RYR1: variants seen among roughly 807,000 people sequenced by gnomAD.
RYR1 encodes the protein ryanodine receptor 1, also known as central core disease of muscle.
In RYR1, 342 loss-of-function variants were observed where a neutral mutation model predicts 583.5. The observed-to-expected ratio is 0.59, with a 90% CI of 0.54 to 0.64. The LOEUF (loss-of-function observed/expected upper bound fraction) is 0.64. Among genes scored for constraint, RYR1 ranks in the 30% least tolerant of loss-of-function variants. The pLI, the probability that RYR1 is intolerant of heterozygous loss-of-function variation, is 0.00. For missense variants in RYR1, 6,032 were observed against 6,917.2 expected (o/e 0.87, Z 4.54); for synonymous variants, 2,791 against 2,822.5 (o/e 0.99, Z 0.35).
chr19:38,475,579 A>G, intron 29 of RYR1, 129 bp downstream of exon 29: 2 of 1,137,676 alleles, frequency 1.8e-6, no homozygotes, highest in Non-Finnish European at 2.6e-6. Flanking sequence ...TATACACTAG[A>G]AACTCATAAA....
chr19:38,566,051 G>A (rs1278485429), intron 91 of RYR1, among the ~76,000 whole-genome samples: 2 of 151,854 alleles, frequency 1.3e-5, no homozygotes, highest in African/African-American at 4.8e-5. Flanking sequence ...GGGCCGGACA[G>A]AGTGCAGGGC....
At chr19:38,525,714 C>T (rs1001907316) in intron 71 of RYR1, among the ~76,000 whole-genome samples, 24 of 151,882 alleles carry the variant, frequency 1.6e-4, no homozygotes, top group Non-Finnish European at 2.9e-4. Flanking sequence ...ATTGCCAGGG[C>T]ACCACAGACC....
At position 38,512,218 on chromosome 19, in the gene RYR1, G is replaced by A; in HGVS notation, c.9234-27G>A. 3 of 1,614,120 alleles carry A rather than the reference G, an allele frequency of 1.9e-6. No individual in the cohort carries two copies. Among genetic ancestry groups the A allele is most frequent in the Middle Eastern group, 1.6e-4 (1 of 6,062 alleles). ...GTCTCCTAGACTCTCCGATTCCAGA[G>A]CTGATGTTCCCCCGCTGCCCTTCTA... On this transcript the variant is annotated intron_variant, in intron 62 of 105. Coordinates refer to ENST00000359596, the MANE Select transcript of RYR1 (RefSeq NM_000540.3). This position sits in a 1 kb window ranked among gnomAD's most constrained non-coding sequence, Gnocchi z 5.1.
intron 89 of RYR1, among the ~76,000 whole-genome samples, chr19:38,552,191 A>G (rs1031553160): frequency 3.3e-5 from 5 of 151,438 alleles, no homozygotes; most frequent in African/African-American, 1.2e-4. Context: ...GACTGAAGCA[A>G]TCAGCCCACC....
chr19:38,565,092 C>G lies in RYR1; in HGVS notation c.12758C>G (p.Pro4253Arg). The change falls in exon 91 of 106, where the codon CCC becomes CGC. Residue 4253 changes from proline (P) to arginine (R), a missense_variant. By Grantham distance (103) the Pro-to-Arg change is moderately radical. This residue lies in a region of RYR1 where 753 missense variants were observed against 759.6 expected (regional missense o/e 0.99). Transcript: ENST00000359596. This position sits in a 1 kb window ranked among gnomAD's most constrained non-coding sequence, Gnocchi z 4.7. ...CAGATCGCCGCGCAGATCTCGGAGCCCGAGGGCGAGCCGGAGACCGACGAG... is the reference window on the plus strand; with the variant it reads ...CAGATCGCCGCGCAGATCTCGGAGCGCGAGGGCGAGCCGGAGACCGACGAG... ...EMQIAAQISE[P>R]EGEPETDEDE... 1 of 1,551,852 alleles carries G rather than the reference C, an allele frequency of 6.4e-7. No homozygotes were observed. The highest frequency in any genetic ancestry group is 8.7e-7 in the Non-Finnish European group (1 of 1,151,146).
chr19:38,572,255 C>G lies in RYR1; in HGVS notation c.13983C>G (p.Gly4661=). ...TGGTGGCCTTTCTCTGCATCATTGGCTATAATTGTCTCAAGGTGGGCCCAT... is the reference window on the plus strand; with the variant it reads ...TGGTGGCCTTTCTCTGCATCATTGGGTATAATTGTCTCAAGGTGGGCCCAT... ...HTLVAFLCII[G]YNCLKVPLVI... is the part of the protein sequence containing the mutation. Residue 4661 remains glycine (G), a synonymous_variant, in exon 95 of 106, where the codon GGC becomes GGG. Coordinates refer to ENST00000359596, the MANE Select transcript of RYR1 (RefSeq NM_000540.3). 1 of 1,380,798 alleles carries G rather than the reference C, an allele frequency of 7.2e-7. No homozygotes were observed. The highest frequency in any genetic ancestry group is 9.6e-7 in the Non-Finnish European group (1 of 1,039,310). 85.5% of individuals were successfully genotyped at this position (1,380,798 alleles called of 1,614,324 possible).
intron 89 of RYR1, among the ~76,000 whole-genome samples, chr19:38,557,912 G>A (rs867831850): frequency 1.3e-5 from 2 of 151,938 alleles, no homozygotes; most frequent in Non-Finnish European, 2.9e-5. Context: ...CCCGGGAGGC[G>A]GAGGTTGCAG....
chr19:38,556,479 TA>T (rs199640435), intron 89 of RYR1, among the ~76,000 whole-genome samples: 10,887 of 141,106 alleles, frequency 0.077, 428 homozygotes, highest in South Asian at 0.17. Context: ...AAGACTCTGT[TA>T]AAAAAAAAAA....
Position 38,510,759 on chromosome 19 carries a change from A to G in RYR1, c.9100A>G (p.Lys3034Glu). 1.2e-6 allele frequency: 2 copies of G among 1,614,136 alleles called. No individual in the cohort carries two copies. Among genetic ancestry groups the G allele is most frequent in the Non-Finnish European group, 1.7e-6 (2 of 1,180,022 alleles). The change falls in exon 60 of 106, where the codon AAG becomes GAG. Residue 3034 changes from lysine (K) to glutamate (E), a missense_variant. Lys to Glu is a moderately conservative substitution (Grantham distance 56). Coordinates refer to ENST00000359596, the MANE Select transcript of RYR1 (RefSeq NM_000540.3). ...VLGSGGHASN[K>E]EKEMITSLFC... The stretch of plus-strand genomic sequence containing the variant: ...GGGCAGCGGTGGCCACGCCTCTAAC[A>G]AGGAGAAGGAAATGATCACCAGGTG...
rs1600913442 is a variant in RYR1, at chr19:38,523,536, C to T, written c.10440+227C>T. ...CCCTCCTCCTCTCCATCTCCCTCTTCTCTCATCTCTGTCTCCTTCCTCCTC... is the reference window on the plus strand; with the variant it reads ...CCCTCCTCCTCTCCATCTCCCTCTTTTCTCATCTCTGTCTCCTTCCTCCTC... On this transcript the variant is annotated intron_variant, in intron 69 of 105. Coordinates refer to ENST00000359596, the MANE Select transcript of RYR1 (RefSeq NM_000540.3). 9 of 616,876 alleles carry T rather than the reference C, an allele frequency of 1.5e-5. No homozygotes were observed. In the East Asian group the frequency reaches 2.5e-4, roughly 17 times the overall value. 38.2% of individuals were successfully genotyped at this position (616,876 alleles called of 1,614,324 possible).
intron 35 of RYR1, 23 bp from the exon 36 acceptor site, chr19:38,490,053 C>A (rs910422120): frequency 6.2e-6 from 10 of 1,612,220 alleles, no homozygotes; most frequent in Admixed American, 1.7e-5. Flanking sequence ...CATCTCTCCT[C>A]CCACACGGCT....
In RYR1 at chr19:38,433,749, CGCCCCCA is replaced by C. The variant is rs1299667535; in HGVS notation, c.-76_-70del. On this transcript the variant is annotated 5_prime_UTR_variant, in exon 1 of 106. Transcript: ENST00000359596. ...TCTCCAGAGGTCTCCGACCCCAGCC[CGCCCCCA>C]GCCCTCCCGCCCAGCCCGCAGCCCC... The C allele has an allele frequency of 1.4e-6, 1 of 696,166 alleles. No homozygotes were observed. The highest frequency in any genetic ancestry group is 2.6e-6 in the Non-Finnish European group (1 of 381,196). The allele number at this position is 696,166 out of a possible 1,614,324, so 43.1% of individuals were successfully genotyped here.
intron 83 of RYR1, 39 bp from the exon 84 acceptor site, chr19:38,537,841 C>T (rs1296355218): frequency 3.8e-6 from 6 of 1,590,486 alleles, no homozygotes; most frequent in Non-Finnish European, 5.2e-6. Context: ...CTTGGCGCAT[C>T]TGACCCCTCC....
rs952332885 is a variant in RYR1, at chr19:38,499,040, C to T, written c.6892-68C>T. ...AGCCGCAGGGCAGGGCAGGGCAGGGCAGAGGGCTGAGCCCCAGGAGGAAGG... is the reference window on the plus strand; with the variant it reads ...AGCCGCAGGGCAGGGCAGGGCAGGGTAGAGGGCTGAGCCCCAGGAGGAAGG... On this transcript the variant is annotated intron_variant, in intron 42 of 105. Coordinates refer to ENST00000359596, the MANE Select transcript of RYR1 (RefSeq NM_000540.3). The surrounding 1 kb of genome is among the most constrained non-coding windows in gnomAD (Gnocchi z 7.3). 1.3e-6 allele frequency: 2 copies of T among 1,590,422 alleles called. No homozygotes were observed. The highest frequency in any genetic ancestry group is 1.4e-5 in the African/African-American group (1 of 73,898).
rs1313409296 is a variant in RYR1, at chr19:38,466,542, C to G, written c.3178+144C>G. On this transcript the variant is annotated intron_variant, in intron 24 of 105. Coordinates refer to ENST00000359596, the MANE Select transcript of RYR1 (RefSeq NM_000540.3). ...TTTTTTGAGACGGAGTCTCGCTGTC[C>G]CCAGGCTGGAGTGCAATGGCGCGAT... is the stretch of plus-strand genomic sequence containing the variant. 7 of 854,770 alleles carry G rather than the reference C, an allele frequency of 8.2e-6. 1 individual carries two copies. The highest frequency in any genetic ancestry group is 5.3e-5 in the East Asian group (2 of 37,632). The allele number at this position is 854,770 out of a possible 1,614,324, so 52.9% of individuals were successfully genotyped here.
At chr19:38,555,023 C>T (rs535812814) in intron 89 of RYR1, among the ~76,000 whole-genome samples, 163 of 152,222 alleles carry the variant, frequency 1.1e-3, no homozygotes, top group African/African-American at 3.4e-3. Context: ...TTTTAATCAT[C>T]CTTTGAAAAC....
chr19:38,503,646 G>A (rs998520232), intron 49 of RYR1, among the ~76,000 whole-genome samples: 1 of 152,058 alleles, frequency 6.6e-6, no homozygotes, highest in Non-Finnish European at 1.5e-5. Flanking sequence ...AGTGGAGCAC[G>A]CCTGTAATCC....
chr19:38,564,625 C>A (rs1422909602), intron 90 of RYR1, among the ~76,000 whole-genome samples: 7 of 151,736 alleles, frequency 4.6e-5, no homozygotes, highest in Admixed American at 3.3e-4. Context: ...TCAAGTTATT[C>A]TCCTACCTCA....
At chr19:38,515,412 G>A (rs1335886830) in intron 64 of RYR1, among the ~76,000 whole-genome samples, 1 of 152,192 alleles carries the variant, frequency 6.6e-6, no homozygotes, top group Non-Finnish European at 1.5e-5. Flanking sequence ...AGGGCCCCTG[G>A]CAGTGGCCAT....
Sources: gnomAD v4.1 joint callset for allele counts (sites outside exome capture counted in the v4.1 genomes callset) on GRCh38, gnomAD v4.1.1 for gene constraint, gnomAD v4.1.1 regional missense constraint, Gnocchi (gnomAD v3.1) non-coding constraint, MANE v1.5 for transcripts, NCBI Gene and HGNC (gene_info 2026-07-23, HGNC 2026-07-21) for gene names.